Variants in ACTA2 observed in about 807,000 individuals in gnomAD.
ACTA2 encodes actin alpha 2, smooth muscle.
Under a neutral mutation model 39.5 loss-of-function variants are expected in ACTA2, and 12 were observed. The observed-to-expected ratio is 0.30, with a 90% CI of 0.19 to 0.49. The LOEUF is 0.49. ACTA2 is among the 20% of genes least tolerant of loss of function. The pLI is 0.99. For missense variants in ACTA2, 236 were observed against 498.8 expected (o/e 0.47, Z 5.02); for synonymous variants, 158 against 180.6 (o/e 0.88, Z 1.00).
chr10:88,990,400 A>G lies in ACTA2; in HGVS notation c.-24+539T>C. 1 of 437,720 alleles carries G rather than the reference A, an allele frequency of 2.3e-6. No individual in the cohort carries two copies. Among genetic ancestry groups the G allele is most frequent in the South Asian group, 2.0e-5 (1 of 50,066 alleles). The allele number at this position is 437,720 out of a possible 1,614,324, so 27.1% of individuals were successfully genotyped here. A position where few individuals can be genotyped will look rare whatever the true frequency, so the allele number is the denominator to read the frequency against. On this transcript the variant is annotated intron_variant, in intron 1 of 4. Coordinates refer to the ACTA2 transcript ENST00000415557. This position sits in a 1 kb window ranked among gnomAD's most constrained non-coding sequence, Gnocchi z 4.9. The stretch of plus-strand genomic sequence containing the variant: ...TGAACTACAGCAGAAGCCTTTAGAA[A>G]GGGCAGGAGGCCGGCTCTCGAGGTC...
chr10:88,988,382 A>G (rs1353182116), intron 1 of ACTA2, among the ~76,000 whole-genome samples: 1 of 151,950 alleles, frequency 6.6e-6, no homozygotes, highest in African/African-American at 2.4e-5. Flanking sequence ...AAAGGGGAAA[A>G]GAACAAAAGT....
chr10:88,965,299 A>T lies in ACTA2; in HGVS notation c.-23-16346T>A, dbSNP rs559525359. ...CCCTGCCCTTCTACATATAGTAGAA[A>T]CTCAGGAATTTGGTTAAGCAACTTT... On this transcript the variant is annotated intron_variant, in intron 1 of 4. Coordinates refer to the ACTA2 transcript ENST00000415557. Among the ~76,000 whole-genome samples, 4 of 152,296 alleles carry T rather than the reference A, an allele frequency of 2.6e-5. No homozygotes were observed. In the East Asian group the frequency reaches 7.7e-4, roughly 29 times the overall value.
intron 3 of ACTA2, among the ~76,000 whole-genome samples, chr10:88,946,648 T>A (rs576013852): frequency 6.6e-6 from 1 of 152,048 alleles, no homozygotes; most frequent in African/African-American, 2.4e-5. Flanking sequence ...CACCTTGGCC[T>A]CCCAAAGTGT....
chr10:88,947,134 A>C, intron 3 of ACTA2, 124 bp downstream of exon 3: 1 of 1,384,160 alleles, frequency 7.2e-7, no homozygotes. Context: ...ATGAACATTA[A>C]CAAGTAAAAG....
intron 1 of ACTA2, among the ~76,000 whole-genome samples, chr10:88,977,062 G>A (rs1846580884): frequency 6.6e-6 from 1 of 152,208 alleles, no homozygotes; most frequent in Non-Finnish European, 1.5e-5. Context: ...TAATGCTTGT[G>A]TGGACTGAAT....
chr10:88,935,574 G>A (rs971542870), intron 8 of ACTA2: 2 of 537,684 alleles, frequency 3.7e-6, no homozygotes, highest in African/African-American at 1.9e-5. Context: ...AAATTCTTCA[G>A]TAAGCACATT....
chr10:88,989,348 T>C (rs531024866), intron 1 of ACTA2: 1 of 319,448 alleles, frequency 3.1e-6, no homozygotes, highest in East Asian at 9.3e-5. Context: ...TTTTTACATT[T>C]TTTTATTTAA....
intron 1 of ACTA2, chr10:88,974,831 G>C (rs1589419350): frequency 6.6e-6 from 1 of 152,256 alleles, no homozygotes; most frequent in East Asian, 1.9e-4. Flanking sequence ...GTGGAACGTG[G>C]CCCTGCAGTT....
intron 1 of ACTA2, among the ~76,000 whole-genome samples, chr10:88,965,621 G>A (rs1398280751): frequency 6.6e-6 from 1 of 151,614 alleles, no homozygotes; most frequent in Admixed American, 6.6e-5. Context: ...AGAGGTCCTC[G>A]GGCAAACAGG....
chr10:88,964,570 T>A (rs1251892765), intron 1 of ACTA2, among the ~76,000 whole-genome samples: 2 of 152,172 alleles, frequency 1.3e-5, no homozygotes, highest in Non-Finnish European at 2.9e-5. Flanking sequence ...CCTTTGTCCT[T>A]CTTGGTAGAG....
upstream of ACTA2, among the ~76,000 whole-genome samples, chr10:88,953,465 T>G (rs1846084753): frequency 1.3e-5 from 2 of 152,176 alleles, no homozygotes; most frequent in African/African-American, 4.8e-5. Flanking sequence ...CACCGAGCAA[T>G]TTAGCAGCAT....
intron 2 of ACTA2, chr10:88,948,432 G>A (rs1445016610): frequency 3.5e-6 from 1 of 284,126 alleles, no homozygotes; most frequent in African/African-American, 2.2e-5. Flanking sequence ...AGCCCTGTAT[G>A]GTTAAGTGAC....
chr10:88,949,796 A>G (rs1186265506), intron 1 of ACTA2, among the ~76,000 whole-genome samples: 1 of 152,210 alleles, frequency 6.6e-6, no homozygotes, highest in African/African-American at 2.4e-5. Flanking sequence ...TGCATTGCAA[A>G]AAGATTAATC....
Position 88,935,101 on chromosome 10 carries a change from A to G in ACTA2, c.*122T>C, listed in dbSNP as rs886047451. On this transcript the variant is annotated 3_prime_UTR_variant, in exon 9 of 9. Coordinates refer to ENST00000224784, the MANE Select transcript of ACTA2 (RefSeq NM_001613.4). ...ACCAGTAGCCTATTTCAGATTTATTAAAAAACACATAGGTAACGAGTCAGA... is the reference window on the plus strand; with the variant it reads ...ACCAGTAGCCTATTTCAGATTTATTGAAAAACACATAGGTAACGAGTCAGA... 7.8e-6 allele frequency: 11 copies of G among 1,411,636 alleles called. No individual in the cohort carries two copies. Among genetic ancestry groups the G allele is most frequent in the Admixed American group, 7.3e-5 (4 of 54,874 alleles). 87.4% of individuals were successfully genotyped at this position (1,411,636 alleles called of 1,614,324 possible). A position where few individuals can be genotyped will look rare whatever the true frequency, so the allele number is the denominator to read the frequency against.
Position 88,971,948 on chromosome 10 carries a change from C to T in ACTA2, c.-24+18991G>A, listed in dbSNP as rs545564819. Among the ~76,000 whole-genome samples the T allele has an allele frequency of 3.5e-4, 53 of 150,492 alleles. No homozygotes were observed. The South Asian group carries it at 0.01, about 29-fold the overall frequency. On this transcript the variant is annotated intron_variant, in intron 1 of 4. Transcript: ENST00000415557. ...TTTTTTAGATGGAGTCTTGCTCTGT[C>T]GCCAGGCTGGAGTGCAGAGGCGTGA...
At chr10:88,953,258 AATAC>A (rs1846081337), upstream of ACTA2, among the ~76,000 whole-genome samples, 1 of 152,188 alleles carries the variant, frequency 6.6e-6, no homozygotes, top group Non-Finnish European at 1.5e-5. Flanking sequence ...GTCGTCTATA[AATAC>A]ATAGAGGGAG....
intron 1 of ACTA2, among the ~76,000 whole-genome samples, chr10:88,958,497 G>T (rs1420924717): frequency 1.3e-5 from 2 of 152,166 alleles, no homozygotes; most frequent in Non-Finnish European, 1.5e-5. Context: ...AAGTGGTAGA[G>T]CAGGGATTCA....
At chr10:88,941,126 T>C (rs1845839635) in intron 6 of ACTA2, 103 bp downstream of exon 6, 1 of 1,477,728 alleles carries the variant, frequency 6.8e-7, no homozygotes, top group Non-Finnish European at 9.4e-7. Context: ...CCTTGCCATT[T>C]GCAAAACTTC....
Position 88,990,996 on chromosome 10 carries a change from G to A in ACTA2, c.-81C>T, listed in dbSNP as rs1488183371. 5 of 1,567,302 alleles carry A rather than the reference G, an allele frequency of 3.2e-6. No homozygotes were observed. Among genetic ancestry groups the A allele is most frequent in the Non-Finnish European group, 4.4e-6 (5 of 1,142,352 alleles). On this transcript the variant is annotated 5_prime_UTR_variant, in exon 1 of 5. Coordinates refer to the ACTA2 transcript ENST00000415557. The surrounding 1 kb of genome is among the most constrained non-coding windows in gnomAD (Gnocchi z 4.9). ...GCGGGCGCGGGACGCGTGCGGGATT[G>A]CGGCGGCAGCGGCGCACGCGGGCAC...
Sources: allele counts gnomAD v4.1 joint callset (sites outside exome capture counted in the v4.1 genomes callset), GRCh38; gene constraint gnomAD v4.1.1; non-coding constraint Gnocchi (gnomAD v3.1); transcripts MANE v1.5; gene names NCBI Gene and HGNC (gene_info 2026-07-23, HGNC 2026-07-21).